SEC14L1: variants seen among roughly 807,000 people sequenced by gnomAD.
SEC14L1 encodes SEC14-like protein 1.
In SEC14L1, 48 loss-of-function variants were observed where a neutral mutation model predicts 85.3. The ratio of observed to expected loss-of-function variants is 0.56; its 90% confidence interval spans 0.45 to 0.72. SEC14L1 has a LOEUF of 0.72. Ranked by LOEUF, SEC14L1 falls within the 30% of genes least tolerant of loss-of-function variation. The pLI is 0.00. For missense variants in SEC14L1, 682 were observed against 921.4 expected (o/e 0.74, Z 3.36); for synonymous variants, 391 against 355.5 (o/e 1.10, Z -1.12).
chr17:77,196,964 G>A (rs1402957958), intron 8 of SEC14L1, among the ~76,000 whole-genome samples: 2 of 152,188 alleles, frequency 1.3e-5, no homozygotes, highest in African/African-American at 4.8e-5. Flanking sequence ...CCTTCCGGCA[G>A]CTCTCTCTGC....
intron 3 of SEC14L1, among the ~76,000 whole-genome samples, chr17:77,133,441 C>T (rs1369088758): frequency 2.0e-5 from 3 of 152,328 alleles, no homozygotes; most frequent in South Asian, 2.1e-4. Context: ...CAGCTCGAGG[C>T]GGCCAAGTGG....
At chr17:77,145,310 T>C (rs1973252621) in intron 3 of SEC14L1, among the ~76,000 whole-genome samples, 1 of 152,118 alleles carries the variant, frequency 6.6e-6, no homozygotes, top group South Asian at 2.1e-4. Context: ...TTACATACAG[T>C]GAAATGGTCA....
chr17:77,116,416 G>A (rs560942329), intron 3 of SEC14L1, among the ~76,000 whole-genome samples: 7 of 152,168 alleles, frequency 4.6e-5, no homozygotes, highest in East Asian at 1.9e-4. Context: ...CTTAAATCTC[G>A]GTGTCACACA....
intron 3 of SEC14L1, among the ~76,000 whole-genome samples, chr17:77,108,845 CAG>C (rs1971984982): frequency 7.3e-6 from 1 of 136,476 alleles, no homozygotes; most frequent in African/African-American, 2.8e-5. Context: ...TTTTTTGAGA[CAG>C]AGTTTGGTTC....
At chr17:77,184,423 A>G (rs575798841) in intron 3 of SEC14L1, among the ~76,000 whole-genome samples, 6 of 152,194 alleles carry the variant, frequency 3.9e-5, no homozygotes, top group African/African-American at 9.6e-5. Context: ...CTAATTGGCA[A>G]TCCTTCTGTG....
chr17:77,187,047 T>C (rs2143772344), intron 3 of SEC14L1, among the ~76,000 whole-genome samples: 1 of 152,314 alleles, frequency 6.6e-6, no homozygotes, highest in Non-Finnish European at 1.5e-5. Context: ...TCAAAAACTT[T>C]TTGAGCACTG....
Position 77,206,603 on chromosome 17 carries a change from A to G in SEC14L1, c.1342-125A>G. 2 of 1,279,430 alleles carry G rather than the reference A, an allele frequency of 1.6e-6. No individual in the cohort carries two copies. Among genetic ancestry groups the G allele is most frequent in the East Asian group, 2.3e-5 (1 of 42,894 alleles). The allele number at this position is 1,279,430 out of a possible 1,614,324, so 79.3% of individuals were successfully genotyped here. On this transcript the variant is annotated intron_variant, in intron 12 of 16. Transcript: ENST00000436233. The surrounding 1 kb of genome is among the most constrained non-coding windows in gnomAD (Gnocchi z 4.3). The stretch of plus-strand genomic sequence containing the variant: ...CTAATGCCATGCAAATAGACTTTAC[A>G]GAAGAAGTATATAAACTTGAATGTC...
At position 77,216,340 on chromosome 17, in the gene SEC14L1, G is replaced by GGTTA; in HGVS notation, c.*2320_*2323dup. On this transcript the variant is annotated 3_prime_UTR_variant, in exon 17 of 17. Coordinates refer to ENST00000436233, the MANE Select transcript of SEC14L1 (RefSeq NM_001143998.2). ...GCTAGTAGGTAGGGCTAGTAGGTAG[G>GGTTA]GTTAGTAGGTAGGGCTAGTAGGTAG... 7.4e-7 allele frequency: 1 copy of GGTTA among 1,343,680 alleles called. No individual in the cohort carries two copies. The highest frequency in any genetic ancestry group is 1.8e-5 in the South Asian group (1 of 57,142). The allele number at this position is 1,343,680 out of a possible 1,614,324, so 83.2% of individuals were successfully genotyped here. A position where few individuals can be genotyped will look rare whatever the true frequency, so the allele number is the denominator to read the frequency against.
Position 77,190,875 on chromosome 17 carries a change from A to G in SEC14L1, c.136A>G (p.Lys46Glu), listed in dbSNP as rs777368731. Reference sequence around the variant, plus strand: ...GGGCAGTGACACTGTGAATGAATTCAAGAGCGAAGATGGGGCTATTCATGT... The same window carrying G: ...GGGCAGTGACACTGTGAATGAATTCGAGAGCGAAGATGGGGCTATTCATGT... ...FVGSDTVNEF[K>E]SEDGAIHVIE... Residue 46 changes from lysine to glutamate, a missense_variant, in exon 4 of 17, where the codon AAG becomes GAG. Around this residue, in one of 3 missense-constraint regions of SEC14L1, gnomAD observed 139 missense variants for 201.3 expected, o/e 0.69. Transcript: ENST00000436233. 1 of 1,614,244 alleles carries G rather than the reference A, an allele frequency of 6.2e-7. No individual in the cohort carries two copies. Among genetic ancestry groups the G allele is most frequent in the Non-Finnish European group, 8.5e-7 (1 of 1,180,028 alleles).
At chr17:77,144,032 A>C (rs567892558) in intron 3 of SEC14L1, among the ~76,000 whole-genome samples, 2 of 152,160 alleles carry the variant, frequency 1.3e-5, no homozygotes, top group South Asian at 4.1e-4. Flanking sequence ...TGCTCTGCCT[A>C]TGGGTGAATT....
At chr17:77,121,652 C>T (rs190687196) in intron 3 of SEC14L1, among the ~76,000 whole-genome samples, 15 of 152,350 alleles carry the variant, frequency 9.8e-5, no homozygotes, top group East Asian at 1.9e-4. Flanking sequence ...CCACCGCACC[C>T]GGCCCATGTG....
At chr17:77,119,136 C>G (rs1390696702) in intron 3 of SEC14L1, among the ~76,000 whole-genome samples, 3 of 151,864 alleles carry the variant, frequency 2.0e-5, no homozygotes, top group Non-Finnish European at 4.4e-5. Flanking sequence ...ATAGTGAAAC[C>G]CTGTCTCTAC....
intron 3 of SEC14L1, among the ~76,000 whole-genome samples, chr17:77,172,246 TA>T (rs778355887): frequency 6.6e-6 from 1 of 151,916 alleles, no homozygotes; most frequent in Admixed American, 6.6e-5. Context: ...GGACTTGAGG[TA>T]AAAAAAAGAG....
At chr17:77,100,393 C>CTTTTTTTTTTTT (rs572735925) in intron 3 of SEC14L1, among the ~76,000 whole-genome samples, 1 of 56,058 alleles carries the variant, frequency 1.8e-5, no homozygotes, top group Admixed American at 2.3e-4. Context: ...CTGGCTTTTT[C>CTTTTTTTTTTTT]TTTTTTTTTT....
intron 9 of SEC14L1, among the ~76,000 whole-genome samples, chr17:77,202,321 A>G (rs1976190415): frequency 6.6e-6 from 1 of 151,928 alleles, no homozygotes; most frequent in Non-Finnish European, 1.5e-5. Context: ...TGTTGTCTCT[A>G]CTTAAAAAAA....
chr17:77,169,262 C>CT (rs1408415712), intron 3 of SEC14L1, among the ~76,000 whole-genome samples: 1 of 152,118 alleles, frequency 6.6e-6, no homozygotes, highest in African/African-American at 2.4e-5. Context: ...AATCTTTCCC[C>CT]TTGCCATGAG....
intron 8 of SEC14L1, among the ~76,000 whole-genome samples, chr17:77,198,098 T>C (rs746630413): frequency 1.3e-5 from 2 of 152,258 alleles, no homozygotes. Context: ...TAAACTACAC[T>C]AAAATGCCTT....
intron 3 of SEC14L1, among the ~76,000 whole-genome samples, chr17:77,162,131 T>C (rs7206938): frequency 2.6e-5 from 4 of 151,742 alleles, no homozygotes; most frequent in African/African-American, 9.7e-5. Flanking sequence ...ACGAGGGGCT[T>C]TCTGCACCGG....
chr17:77,182,372 T>C (rs1489350823), intron 3 of SEC14L1, among the ~76,000 whole-genome samples: 2 of 152,216 alleles, frequency 1.3e-5, no homozygotes, highest in Non-Finnish European at 2.9e-5. Flanking sequence ...AATTGCAGGC[T>C]CAGAAATCCC....
Sources: allele counts gnomAD v4.1 joint callset (sites outside exome capture counted in the v4.1 genomes callset), GRCh38; gene constraint gnomAD v4.1.1; regional missense constraint gnomAD v4.1.1; non-coding constraint Gnocchi (gnomAD v3.1); transcripts MANE v1.5; gene names NCBI Gene and HGNC (gene_info 2026-07-23, HGNC 2026-07-21).